The following BTG4 variants were observed in gnomAD, a reference collection of about 807,000 sequenced individuals.
BTG4 encodes BTG anti-proliferation factor 4, also known as protein BTG4.
BTG4 carries 10 observed loss-of-function variants against 19.3 expected under a neutral mutation model. That is an observed-to-expected ratio of 0.52 (90% CI 0.32 to 0.88). The LOEUF (loss-of-function observed/expected upper bound fraction) is 0.88. Ranked by LOEUF, BTG4 falls within the 40% of genes least tolerant of loss-of-function variation. The probability of loss-of-function intolerance (pLI) is 0.04; values close to 1 mark genes in which losing one functional copy is unlikely to be tolerated. For missense variants in BTG4, 238 were observed against 281.9 expected, an observed-to-expected ratio of 0.84 and a Z score of 1.11; for synonymous variants, 91 against 95.7, an observed-to-expected ratio of 0.95 and a Z score of 0.29.
intron 1 of BTG4, 138 bp from the exon 2 acceptor site, chr11:111,498,940 C>G: frequency 1.7e-6 from 1 of 589,672 alleles, no homozygotes; most frequent in South Asian, 2.2e-5. Context: ...CCTTAGTAAA[C>G]TAGGTAAGTA....
At chr11:111,424,040 A>G in the BTG4 span, among the ~76,000 whole-genome samples, 780 of 152,318 alleles carry the variant, frequency 5.1e-3, 7 homozygotes, top group Non-Finnish European at 7.4e-3. Flanking sequence ...ATGGAGGAGC[A>G]AAATAGGTGA....
chr11:111,467,412 T>C (rs1863784451), downstream of BTG4: 6 of 428,808 alleles, frequency 1.4e-5, no homozygotes, highest in East Asian at 1.5e-4. Context: ...TTTTCCTGTA[T>C]ACTAAGCCTA....
At chr11:111,465,702 G>C (rs886858365), downstream of BTG4, among the ~76,000 whole-genome samples, 1 of 152,176 alleles carries the variant, frequency 6.6e-6, no homozygotes, top group African/African-American at 2.4e-5. Context: ...AGTGCCAAAA[G>C]AAGATGCAGG....
chr11:111,440,004 T>C, the BTG4 span, among the ~76,000 whole-genome samples: 10 of 152,218 alleles, frequency 6.6e-5, no homozygotes, highest in Admixed American at 1.3e-4. Flanking sequence ...TTTTATTTTA[T>C]CTCACAGTGC....
At chr11:111,461,212 G>C in the BTG4 span, among the ~76,000 whole-genome samples, 4 of 152,182 alleles carry the variant, frequency 2.6e-5, no homozygotes, top group Non-Finnish European at 5.9e-5. Flanking sequence ...TAAAAGGTAT[G>C]TGATAAATAA....
At chr11:111,402,388 T>C in the BTG4 span, among the ~76,000 whole-genome samples, 1 of 152,220 alleles carries the variant, frequency 6.6e-6, no homozygotes, top group South Asian at 2.1e-4. Flanking sequence ...TGTTATTTTG[T>C]ATCAATCTAA....
the BTG4 span, among the ~76,000 whole-genome samples, chr11:111,424,803 C>G: frequency 6.6e-6 from 1 of 152,104 alleles, no homozygotes; most frequent in African/African-American, 2.4e-5. Context: ...ACTGAAAATA[C>G]AAAAATTAGC....
chr11:111,479,966 A>C (rs189868718), intron 5 of BTG4, among the ~76,000 whole-genome samples: 8 of 152,200 alleles, frequency 5.3e-5, no homozygotes, highest in African/African-American at 1.9e-4. Flanking sequence ...AGAAAACAAA[A>C]ACTAAGTGGT....
At chr11:111,449,107 C>CT in the BTG4 span, among the ~76,000 whole-genome samples, 2 of 152,128 alleles carry the variant, frequency 1.3e-5, no homozygotes, top group Non-Finnish European at 2.9e-5. Flanking sequence ...TCTCAAGTCT[C>CT]TTTTTTTATT....
At chr11:111,422,230 C>T in the BTG4 span, among the ~76,000 whole-genome samples, 1 of 152,290 alleles carries the variant, frequency 6.6e-6, no homozygotes, top group Admixed American at 6.5e-5. Context: ...CAGCTCTGAG[C>T]CAACCGTGCA....
At chr11:111,389,162 G>T in the BTG4 span, among the ~76,000 whole-genome samples, 1 of 152,218 alleles carries the variant, frequency 6.6e-6, no homozygotes, top group Non-Finnish European at 1.5e-5. Flanking sequence ...GTCATGGGTG[G>T]AGCTATAGGG....
chr11:111,480,846 G>A (rs1864698642), intron 5 of BTG4, among the ~76,000 whole-genome samples: 1 of 151,356 alleles, frequency 6.6e-6, no homozygotes, highest in Admixed American at 6.6e-5. Context: ...TTAGAAAAGA[G>A]GGAAAGTGTC....
chr11:111,459,932 A>T, the BTG4 span: 1 of 152,248 alleles, frequency 6.6e-6, no homozygotes, highest in South Asian at 2.1e-4. Flanking sequence ...GCTGAGACCC[A>T]AAATTAAAGG....
the BTG4 span, among the ~76,000 whole-genome samples, chr11:111,401,481 C>CAAAA: frequency 7.3e-6 from 1 of 137,924 alleles, no homozygotes. Flanking sequence ...GACTCCGTCT[C>CAAAA]AAAAAAAAAA....
At chr11:111,512,516 G>C (rs1466371766), upstream of BTG4, among the ~76,000 whole-genome samples, 1 of 152,154 alleles carries the variant, frequency 6.6e-6, no homozygotes, top group East Asian at 1.9e-4. Flanking sequence ...GGCGCACGGG[G>C]TCGAGAGAGC....
rs1301903034 is a variant in BTG4 at position 111,498,106 on chromosome 11, T to C, written c.203A>G (p.Lys68Arg). Residue 68 changes from lysine to arginine, a missense_variant, in exon 3 of 5, where the codon AAA becomes AGA. Lys to Arg is a conservative substitution (Grantham distance 26). Transcript: ENST00000692032. The stretch of plus-strand genomic sequence containing the variant: ...ACATGCCCTTTCTAGAATGGGATCT[T>C]TATTCTGATTGTTGTTTATCCTGAT... ...RCIRINNNQNKDPILERACVE... is the reference protein window; with the variant it reads ...RCIRINNNQNRDPILERACVE... The C allele has an allele frequency of 1.9e-6, 3 of 1,613,976 alleles. No individual in the cohort carries two copies. Among genetic ancestry groups the C allele is most frequent in the Non-Finnish European group, 2.5e-6 (3 of 1,179,988 alleles).
the BTG4 span, among the ~76,000 whole-genome samples, chr11:111,413,844 A>T: frequency 6.6e-6 from 1 of 152,238 alleles, no homozygotes; most frequent in Non-Finnish European, 1.5e-5. Context: ...AAGAAGGTAC[A>T]ACCAGAGCCT....
chr11:111,433,969 AACCATTGTGGAAG>A, the BTG4 span, among the ~76,000 whole-genome samples: 1 of 152,276 alleles, frequency 6.6e-6, no homozygotes, highest in Non-Finnish European at 1.5e-5. Flanking sequence ...AAATTAGTTC[AACCATTGTGGAAG>A]ACAATGTAGC....
upstream of BTG4, chr11:111,513,324 G>C (rs907351254): frequency 9.9e-6 from 5 of 503,286 alleles, no homozygotes; most frequent in Non-Finnish European, 1.6e-5. Flanking sequence ...ATTTGCCATC[G>C]TCTAGTAGAG....
Sources: gnomAD v4.1 joint callset for allele counts (sites outside exome capture counted in the v4.1 genomes callset) on GRCh38, gnomAD v4.1.1 for gene constraint, MANE v1.5 for transcripts, NCBI Gene and HGNC (gene_info 2026-07-23, HGNC 2026-07-21) for gene names.